NPS: variants seen among roughly 807,000 people sequenced by gnomAD.
The protein encoded by NPS is neuropeptide S.
A neutral mutation model predicts 7.2 loss-of-function variants in NPS; 6 were observed. The ratio of observed to expected loss-of-function variants is 0.83; its 90% CI spans 0.46 to 1.64. NPS has a LOEUF of 1.64. Ranked by LOEUF, NPS falls within the 40% of genes most tolerant of loss-of-function variation. The probability of loss-of-function intolerance (pLI) is 0.01; values close to 1 mark genes in which losing one functional copy is unlikely to be tolerated. For missense variants in NPS, 123 were observed against 97.8 expected (o/e 1.26, Z -1.09); for synonymous variants, 42 against 36.7 (o/e 1.14, Z -0.52).
chr10:127,549,641 C>T (rs1844840008), intron 2 of NPS, 71 bp downstream of exon 2: 1 of 932,062 alleles, frequency 1.1e-6, no homozygotes, highest in Non-Finnish European at 1.8e-6. Context: ...ATTCCAAATA[C>T]TTTCAAGGAA....
At position 127,553,379 on chromosome 10, in the gene NPS, C is replaced by T. The variant is rs910964442; in HGVS notation, c.*740C>T. Among the ~76,000 whole-genome samples, 3 of 152,114 alleles carry T rather than the reference C, an allele frequency of 2.0e-5. No homozygotes were observed. The highest frequency in any genetic ancestry group is 4.4e-5 in the Non-Finnish European group (3 of 68,018). On this transcript the variant is annotated 3_prime_UTR_variant, in exon 3 of 3. Transcript: ENST00000398023. ...AGGGCAGCCATTTGGAAACCTGTTC[C>T]CCAAACTATGCTGATTAATGCCCTC...
chr10:127,550,956 C>G (rs1019838834), intron 2 of NPS, among the ~76,000 whole-genome samples: 1 of 152,176 alleles, frequency 6.6e-6, no homozygotes, highest in Non-Finnish European at 1.5e-5. Flanking sequence ...GCATCAGTGT[C>G]TTTTTAGGGA....
rs1844869481 is a variant in NPS, at chr10:127,552,721, T to C, written c.*82T>C. On this transcript the variant is annotated 3_prime_UTR_variant, in exon 3 of 3. Transcript: ENST00000398023. ...TCAAAGTCCATCGTCTCTTTATCAT[T>C]GAGTGTTGGCATGCTCTCTATTCTC... 1.1e-6 allele frequency: 1 copy of C among 894,302 alleles called. No individual in the cohort carries two copies. 55.4% of individuals were successfully genotyped at this position (894,302 alleles called of 1,614,324 possible).
In NPS at chr10:127,549,336, C is replaced by T; in HGVS notation, c.-33C>T. 2.5e-6 allele frequency: 4 copies of T among 1,594,008 alleles called. No homozygotes were observed. Among genetic ancestry groups the T allele is most frequent in the Non-Finnish European group, 3.4e-6 (4 of 1,164,160 alleles). On this transcript the variant is annotated 5_prime_UTR_variant, in exon 1 of 3. Coordinates refer to ENST00000398023, the MANE Select transcript of NPS (RefSeq NM_001030013.2). ...AAGTGTGAGAAATTTGGCAATAAAA[C>T]CACCTATCTTTACAGATTTTGGGAA...
At position 127,553,088 on chromosome 10, in the gene NPS, G is replaced by A. The variant is rs1439186051; in HGVS notation, c.*449G>A. On this transcript the variant is annotated 3_prime_UTR_variant, in exon 3 of 3. Coordinates refer to ENST00000398023, the MANE Select transcript of NPS (RefSeq NM_001030013.2). ...TGGGGTGGGGGGATGTGCTATTTCT[G>A]TTTCTAAGGGGCTTGTGAAGTTAAC... Among the ~76,000 whole-genome samples the A allele has an allele frequency of 1.3e-5, 2 of 151,922 alleles. No individual in the cohort carries two copies. The highest frequency in any genetic ancestry group is 2.9e-5 in the Non-Finnish European group (2 of 67,998).
intron 2 of NPS, among the ~76,000 whole-genome samples, chr10:127,551,179 AAG>A (rs1358379029): frequency 6.6e-6 from 1 of 152,176 alleles, no homozygotes; most frequent in East Asian, 1.9e-4. Context: ...ATGTCCGACT[AAG>A]AGTGTTTGAT....
At chr10:127,550,912 C>G (rs560021583) in intron 2 of NPS, among the ~76,000 whole-genome samples, 1 of 152,202 alleles carries the variant, frequency 6.6e-6, no homozygotes, top group South Asian at 2.1e-4. Context: ...ATGAGTCTGC[C>G]CTGGCAAGGG....
At chr10:127,552,226 T>C (rs558033654) in intron 2 of NPS, among the ~76,000 whole-genome samples, 16 of 152,158 alleles carry the variant, frequency 1.1e-4, no homozygotes, top group Non-Finnish European at 1.9e-4. Context: ...ATGATGTAAA[T>C]ACGGAATAGC....
rs1007279476 is a variant in NPS, at chr10:127,552,705, A to G, written c.*66A>G. 16 of 1,042,470 alleles carry G rather than the reference A, an allele frequency of 1.5e-5. No individual in the cohort carries two copies. In the African/African-American group the frequency reaches 2.2e-4, roughly 14 times the overall value. The allele number at this position is 1,042,470 out of a possible 1,614,324, so 64.6% of individuals were successfully genotyped here. A position where few individuals can be genotyped will look rare whatever the true frequency, so the allele number is the denominator to read the frequency against. ...AGTGTGACTGACGTACTCAAAGTCCATCGTCTCTTTATCATTGAGTGTTGG... is the reference window on the plus strand; with the variant it reads ...AGTGTGACTGACGTACTCAAAGTCCGTCGTCTCTTTATCATTGAGTGTTGG... On this transcript the variant is annotated 3_prime_UTR_variant, in exon 3 of 3. Transcript: ENST00000398023.
chr10:127,552,685 G>C lies in NPS; in HGVS notation c.*46G>C, dbSNP rs779067643. On this transcript the variant is annotated 3_prime_UTR_variant, in exon 3 of 3. Coordinates refer to ENST00000398023, the MANE Select transcript of NPS (RefSeq NM_001030013.2). ...GGGAATTAATCTAACTGTAGAGTGT[G>C]ACTGACGTACTCAAAGTCCATCGTC... 3 of 1,279,342 alleles carry C rather than the reference G, an allele frequency of 2.3e-6. No homozygotes were observed. Among genetic ancestry groups the C allele is most frequent in the Admixed American group, 3.5e-5 (2 of 56,954 alleles). 79.2% of individuals were successfully genotyped at this position (1,279,342 alleles called of 1,614,324 possible).
At position 127,553,232 on chromosome 10, in the gene NPS, T is replaced by G. The variant is rs1844875156; in HGVS notation, c.*593T>G. 1.3e-5 allele frequency among the ~76,000 whole-genome samples: 2 copies of G among 152,184 alleles called. No homozygotes were observed. The highest frequency in any genetic ancestry group is 1.3e-4 in the Admixed American group (2 of 15,274). ...CTCCCTTTTCCTATTCCAAATATACTTAGCTATAGGGTGTTGTTTTGTTGT... is the reference window on the plus strand; with the variant it reads ...CTCCCTTTTCCTATTCCAAATATACGTAGCTATAGGGTGTTGTTTTGTTGT... On this transcript the variant is annotated 3_prime_UTR_variant, in exon 3 of 3. Coordinates refer to ENST00000398023, the MANE Select transcript of NPS (RefSeq NM_001030013.2).
intron 2 of NPS, among the ~76,000 whole-genome samples, chr10:127,551,111 G>A (rs1313520119): frequency 6.6e-6 from 1 of 152,088 alleles, no homozygotes; most frequent in East Asian, 1.9e-4. Context: ...TAAATAGAAG[G>A]CGTTCTCTCT....
At position 127,549,367 on chromosome 10, in the gene NPS, A is replaced by G. The variant is rs1451300178; in HGVS notation, c.-2A>G. The G allele has an allele frequency of 1.9e-6, 3 of 1,608,880 alleles. No individual in the cohort carries two copies. Among genetic ancestry groups the G allele is most frequent in the East Asian group, 2.2e-5 (1 of 44,794 alleles). ...ATCTTTACAGATTTTGGGAAGTCCA[A>G]AATGATTAGGTAAAAGGCTACGTTT... On this transcript the variant is annotated 5_prime_UTR_variant, in exon 1 of 3. Coordinates refer to ENST00000398023, the MANE Select transcript of NPS (RefSeq NM_001030013.2).
At chr10:127,550,336 A>G (rs960798264) in intron 2 of NPS, among the ~76,000 whole-genome samples, 1 of 152,128 alleles carries the variant, frequency 6.6e-6, no homozygotes, top group Non-Finnish European at 1.5e-5. Flanking sequence ...ATAATGATCT[A>G]GTTATTTATA....
Position 127,549,554 on chromosome 10 carries a change from C to T in NPS, c.74C>T (p.Pro25Leu), listed in dbSNP as rs201551769. The T allele has an allele frequency of 1.1e-5, 18 of 1,602,720 alleles. No homozygotes were observed. Among genetic ancestry groups the T allele is most frequent in the African/African-American group, 4.0e-5 (3 of 74,706 alleles). Residue 25 changes from proline (P) to leucine (L), a missense_variant, in exon 2 of 3, where the codon CCA (proline) becomes CTA (leucine). Physicochemically the swap from Pro to Leu is moderately conservative, Grantham distance 98. Coordinates refer to ENST00000398023, the MANE Select transcript of NPS (RefSeq NM_001030013.2). Reference protein sequence around the residue: ...LSTMHVFWCYPVPSSKVSGKS... With the variant: ...LSTMHVFWCYLVPSSKVSGKS... The stretch of plus-strand genomic sequence containing the variant: ...ACAATGCATGTGTTTTGGTGTTATC[C>T]AGTTCCATCTTCTAAGGTAAGGATT...
At chr10:127,551,754 G>T (rs927500764) in intron 2 of NPS, among the ~76,000 whole-genome samples, 1 of 152,134 alleles carries the variant, frequency 6.6e-6, no homozygotes, top group African/African-American at 2.4e-5. Context: ...TTGATGATTC[G>T]TACCCAAGCC....
At chr10:127,552,191 C>G (rs918810099) in intron 2 of NPS, among the ~76,000 whole-genome samples, 22 of 152,074 alleles carry the variant, frequency 1.4e-4, no homozygotes, top group African/African-American at 5.3e-4. Flanking sequence ...AAAATAACAG[C>G]AACAAGATAA....
intron 2 of NPS, 103 bp from the exon 3 acceptor site, chr10:127,552,357 A>G (rs1202210003): frequency 2.9e-6 from 2 of 681,980 alleles, no homozygotes; most frequent in Admixed American, 2.5e-5. Context: ...GATGATTGAT[A>G]TATTGGATTT....
intron 1 of NPS, 49 bp downstream of exon 1, chr10:127,549,425 C>T (rs781307837): frequency 3.1e-6 from 5 of 1,593,630 alleles, no homozygotes; most frequent in East Asian, 4.5e-5. Context: ...TTTTCATATG[C>T]TGTTTTACTT....
Sources: allele counts gnomAD v4.1 joint callset (sites outside exome capture counted in the v4.1 genomes callset), GRCh38; gene constraint gnomAD v4.1.1; transcripts MANE v1.5; gene names NCBI Gene and HGNC (gene_info 2026-07-23, HGNC 2026-07-21).